Variants in CPLX4 observed in about 807,000 individuals in gnomAD.
CPLX4 encodes the protein complexin 4, also known as complexin-4.
CPLX4 carries 17 observed loss-of-function variants against 16.1 expected under a neutral mutation model. That is an observed-to-expected ratio of 1.06 (90% CI 0.72 to 1.59). The LOEUF (loss-of-function observed/expected upper bound fraction) is 1.59. Among genes scored for constraint, CPLX4 ranks in the 40% most tolerant of loss-of-function variants. The pLI is 0.00. For synonymous variants in CPLX4, 55 were observed against 57.8 expected, an observed-to-expected ratio of 0.95 and a Z score of 0.22; for missense variants, 193 against 192.9, an observed-to-expected ratio of 1.00 and a Z score of 0.00.
At chr18:59,301,779 G>T (rs181529083) in intron 2 of CPLX4, among the ~76,000 whole-genome samples, 2 of 152,342 alleles carry the variant, frequency 1.3e-5, no homozygotes, top group East Asian at 1.9e-4. Context: ...GGGATTTGGA[G>T]TTAGACATGG....
chr18:59,306,617 T>G (rs999759168), intron 2 of CPLX4, among the ~76,000 whole-genome samples: 1 of 152,228 alleles, frequency 6.6e-6, no homozygotes, highest in Admixed American at 6.5e-5. Context: ...CTGTCAGCAA[T>G]AGAGTGAAAC....
intron 2 of CPLX4, among the ~76,000 whole-genome samples, chr18:59,301,278 C>T (rs1452637318): frequency 1.3e-5 from 2 of 152,256 alleles, no homozygotes; most frequent in African/African-American, 4.8e-5. Flanking sequence ...GGCCCACAGA[C>T]TCTTCACCCC....
intron 2 of CPLX4, among the ~76,000 whole-genome samples, chr18:59,309,573 C>T (rs1329242698): frequency 6.6e-6 from 1 of 152,078 alleles, no homozygotes. Flanking sequence ...CCTATAATCC[C>T]AGCACTTAGG....
intron 2 of CPLX4, among the ~76,000 whole-genome samples, chr18:59,308,472 T>C (rs2070592697): frequency 6.6e-6 from 1 of 151,904 alleles, no homozygotes; most frequent in African/African-American, 2.4e-5. Flanking sequence ...GGCTTTTTTT[T>C]TTTCCTTTTC....
At chr18:59,307,299 A>G (rs2070583336) in intron 2 of CPLX4, among the ~76,000 whole-genome samples, 1 of 152,202 alleles carries the variant, frequency 6.6e-6, no homozygotes, top group African/African-American at 2.4e-5. Context: ...AAATAAGTCT[A>G]TTGAAAAGAG....
rs370860769 is a variant in CPLX4 at position 59,296,862 on chromosome 18, G to C, written c.319C>G (p.Arg107Gly). 1 of 1,613,410 alleles carries C rather than the reference G, an allele frequency of 6.2e-7. No individual in the cohort carries two copies. Among genetic ancestry groups the C allele is most frequent in the Non-Finnish European group, 8.5e-7 (1 of 1,179,942 alleles). The change falls in exon 3 of 3, where the codon CGG (arginine) becomes GGG (glycine). Residue 107 changes from arginine (R) to glycine (G), a missense_variant. Arg to Gly is a moderately radical substitution (Grantham distance 125). Transcript: ENST00000299721. ...TCTTGATCTTCATCTACCATTTTCCGGAGATCTTCAGGTAAATCCACATCA... is the reference window on the plus strand; with the variant it reads ...TCTTGATCTTCATCTACCATTTTCCCGAGATCTTCAGGTAAATCCACATCA... ...GDDVDLPEDL[R>G]KMVDEDQEEE...
intron 2 of CPLX4, among the ~76,000 whole-genome samples, chr18:59,308,894 T>G (rs538799663): frequency 1.3e-5 from 2 of 152,308 alleles, no homozygotes; most frequent in East Asian, 3.9e-4. Flanking sequence ...GAGGGTAACG[T>G]GCGACAAGTG....
Position 59,296,756 on chromosome 18 carries a change from G to A in CPLX4, c.425C>T (p.Ala142Val). 6.2e-7 allele frequency: 1 copy of A among 1,613,760 alleles called. No individual in the cohort carries two copies. The highest frequency in any genetic ancestry group is 8.5e-7 in the Non-Finnish European group (1 of 1,179,974). ...NMDLDTIKEKAQATFTEIKQT... is the reference protein window; with the variant it reads ...NMDLDTIKEKVQATFTEIKQT... ...CTTGATTTCAGTGAAGGTGGCCTGGGCTTTTTCTTTTATGGTATCCAAGTC... is the reference window on the plus strand; with the variant it reads ...CTTGATTTCAGTGAAGGTGGCCTGGACTTTTTCTTTTATGGTATCCAAGTC... Residue 142 changes from alanine (A) to valine (V), a missense_variant, in exon 3 of 3, where the codon GCC becomes GTC. By Grantham distance (64) the Ala-to-Val change is moderately conservative. Coordinates refer to ENST00000299721, the MANE Select transcript of CPLX4 (RefSeq NM_181654.4).
Position 59,297,025 on chromosome 18 carries a change from C to A in CPLX4, c.256-100G>T. 2.0e-6 allele frequency: 3 copies of A among 1,485,708 alleles called. No individual in the cohort carries two copies. In the South Asian group the frequency reaches 4.0e-5, roughly 20 times the overall value. The allele number at this position is 1,485,708 out of a possible 1,614,324, so 92.0% of individuals were successfully genotyped here. A position where few individuals can be genotyped will look rare whatever the true frequency, so the allele number is the denominator to read the frequency against. On this transcript the variant is annotated intron_variant, in intron 2 of 2. Transcript: ENST00000299721. ...AGCAGGAAAAGGTCTTTAGAGAATA[C>A]AGGAAGTGAGTGGCACTCTTGGCCT...
intron 2 of CPLX4, among the ~76,000 whole-genome samples, chr18:59,298,071 G>A (rs35806549): frequency 0.081 from 12,300 of 151,944 alleles, 668 homozygotes; most frequent in Middle Eastern, 0.13. Flanking sequence ...AATGCATGCT[G>A]CCTGGTCTTT....
At chr18:59,297,986 G>T (rs1310912387) in intron 2 of CPLX4, among the ~76,000 whole-genome samples, 2 of 152,172 alleles carry the variant, frequency 1.3e-5, no homozygotes, top group South Asian at 4.1e-4. Context: ...CTAGCCTTCG[G>T]TGTTGCTGAC....
At position 59,296,743 on chromosome 18, in the gene CPLX4, G is replaced by A. The variant is rs746286693; in HGVS notation, c.438C>T (p.Phe146=). Residue 146 remains phenylalanine (F), a synonymous_variant, in exon 3 of 3, where the codon TTC becomes TTT. Coordinates refer to ENST00000299721, the MANE Select transcript of CPLX4 (RefSeq NM_181654.4). ...GCTCCGCTGTCTGCTTGATTTCAGT[G>A]AAGGTGGCCTGGGCTTTTTCTTTTA... is the stretch of plus-strand genomic sequence containing the variant. ...DTIKEKAQAT[F]TEIKQTAEQK... The A allele has an allele frequency of 1.4e-5, 22 of 1,612,094 alleles. No homozygotes were observed. In the Admixed American group the frequency reaches 3.7e-4, roughly 27 times the overall value.
At position 59,318,430 on chromosome 18, in the gene CPLX4, G is replaced by C. The variant is rs2070665769; in HGVS notation, c.33C>G (p.Asn11Lys). Reference sequence around the variant, plus strand: ...CACCAAATCCTAAATTCTTTACCTGGTTACTTATCATACTTTTCATAAGGA... The same window carrying C: ...CACCAAATCCTAAATTCTTTACCTGCTTACTTATCATACTTTTCATAAGGA... MAFLMKSMIS[N>K]QVKNLGFGGG... is the part of the protein sequence containing the mutation. Residue 11 changes from asparagine (N) to lysine (K), a missense_variant, in exon 1 of 3, where the codon AAC becomes AAG. Transcript: ENST00000299721. 6.2e-7 allele frequency: 1 copy of C among 1,612,124 alleles called. No individual in the cohort carries two copies.
At chr18:59,297,349 T>C (rs576815312) in intron 2 of CPLX4, among the ~76,000 whole-genome samples, 1 of 152,016 alleles carries the variant, frequency 6.6e-6, no homozygotes, top group South Asian at 2.1e-4. Flanking sequence ...CGATCTCAGC[T>C]CACTGCAACC....
intron 2 of CPLX4, among the ~76,000 whole-genome samples, chr18:59,310,413 A>G (rs1456545671): frequency 6.6e-6 from 1 of 152,212 alleles, no homozygotes; most frequent in Non-Finnish European, 1.5e-5. Context: ...TTCTTGGAAG[A>G]GTACTTAAAC....
intron 2 of CPLX4, among the ~76,000 whole-genome samples, chr18:59,306,007 C>A (rs1356191873): frequency 1.3e-5 from 2 of 152,106 alleles, no homozygotes; most frequent in Non-Finnish European, 2.9e-5. Flanking sequence ...AAAGAGGCCC[C>A]AAGAGAAATT....
At chr18:59,302,411 A>G (rs1166419593) in intron 2 of CPLX4, among the ~76,000 whole-genome samples, 2 of 152,222 alleles carry the variant, frequency 1.3e-5, no homozygotes, top group Admixed American at 1.3e-4. Flanking sequence ...CAAGGATGAG[A>G]ACCGTGGCGT....
At chr18:59,308,756 C>T (rs2070595586) in intron 2 of CPLX4, among the ~76,000 whole-genome samples, 1 of 152,162 alleles carries the variant, frequency 6.6e-6, no homozygotes, top group Non-Finnish European at 1.5e-5. Context: ...ACGGGAGCGG[C>T]TGTTCTGCAT....
At chr18:59,313,334 G>A (rs1021585593) in intron 1 of CPLX4, among the ~76,000 whole-genome samples, 2 of 152,078 alleles carry the variant, frequency 1.3e-5, no homozygotes. Context: ...CCCAATTTAG[G>A]TACGGTATTT....
Sources: allele counts gnomAD v4.1 joint callset (sites outside exome capture counted in the v4.1 genomes callset), GRCh38; gene constraint gnomAD v4.1.1; transcripts MANE v1.5; gene names NCBI Gene and HGNC (gene_info 2026-07-23, HGNC 2026-07-21).